The following PTPRT variants were observed in gnomAD, a reference collection of about 807,000 sequenced individuals.
The protein encoded by PTPRT is receptor-type tyrosine-protein phosphatase T.
In PTPRT, 56 loss-of-function variants were observed where a neutral mutation model predicts 176.8. The ratio of observed to expected loss-of-function variants is 0.32; its 90% CI spans 0.26 to 0.40. PTPRT has a LOEUF of 0.40. Among genes scored for constraint, PTPRT ranks in the 10% least tolerant of loss-of-function variants. PTPRT has a pLI of 1.00. For missense variants in PTPRT, 1,540 were observed against 1,908.2 expected (o/e 0.81, Z 3.60); for synonymous variants, 783 against 739.0 (o/e 1.06, Z -0.96).
chr20:42,241,915 T>C (rs1306119476), intron 14 of PTPRT, among the ~76,000 whole-genome samples: 1 of 152,214 alleles, frequency 6.6e-6, no homozygotes, highest in Non-Finnish European at 1.5e-5. Flanking sequence ...GATTAGATGA[T>C]GTTTCAGAGT....
intron 1 of PTPRT, among the ~76,000 whole-genome samples, chr20:43,111,049 C>A (rs2012837135): frequency 6.6e-6 from 1 of 152,018 alleles, no homozygotes; most frequent in African/African-American, 2.4e-5. Context: ...AAAGAAGAAA[C>A]CAGAGGCTAG....
intron 2 of PTPRT, among the ~76,000 whole-genome samples, chr20:42,869,771 C>T (rs183632694): frequency 9.2e-5 from 14 of 152,292 alleles, no homozygotes; most frequent in South Asian, 2.1e-4. Context: ...TGGAGGAGAA[C>T]GCTGTGGCTT....
At chr20:43,012,417 G>A (rs1362120320) in intron 1 of PTPRT, among the ~76,000 whole-genome samples, 1 of 152,138 alleles carries the variant, frequency 6.6e-6, no homozygotes, top group African/African-American at 2.4e-5. Flanking sequence ...GGTTACTAGA[G>A]GCTGAGGGGA....
chr20:42,575,155 G>T (rs2073234910), intron 7 of PTPRT, among the ~76,000 whole-genome samples: 1 of 152,146 alleles, frequency 6.6e-6, no homozygotes, highest in African/African-American at 2.4e-5. Flanking sequence ...CCAGATGGGG[G>T]TAACACACAC....
chr20:42,726,338 C>A (rs2076380964), intron 6 of PTPRT, among the ~76,000 whole-genome samples: 1 of 152,150 alleles, frequency 6.6e-6, no homozygotes, highest in African/African-American at 2.4e-5. Context: ...CTTGGCCTCC[C>A]AAAGTGCTGG....
At chr20:42,118,360 A>T in intron 21 of PTPRT, 43 bp downstream of exon 21, 1 of 1,514,402 alleles carries the variant, frequency 6.6e-7, no homozygotes, top group Non-Finnish European at 9.0e-7. Flanking sequence ...TCGAGAGTGC[A>T]TCTCCAGCAT....
chr20:43,102,076 C>T (rs1202582339), intron 1 of PTPRT, among the ~76,000 whole-genome samples: 2 of 152,134 alleles, frequency 1.3e-5, no homozygotes, highest in Admixed American at 6.5e-5. Flanking sequence ...TAGCTAATTC[C>T]CTTGAGCCTT....
intron 9 of PTPRT, among the ~76,000 whole-genome samples, chr20:42,434,720 G>C (rs772197892): frequency 6.6e-6 from 1 of 151,066 alleles, no homozygotes; most frequent in Non-Finnish European, 1.5e-5. Context: ...CCAGCACTTT[G>C]GGAGGCTGAG....
At chr20:42,290,807 A>T (rs950655340) in intron 12 of PTPRT, among the ~76,000 whole-genome samples, 8 of 152,154 alleles carry the variant, frequency 5.3e-5, no homozygotes, top group Non-Finnish European at 1.0e-4. Flanking sequence ...CTGAAATTTT[A>T]GGATGCCTCT....
In PTPRT at chr20:43,074,925, C is replaced by T. The variant is rs73907491; in HGVS notation, c.88+114721G>A. ...ATTCTGCCCACAGAGCCAAAGCTTT[C>T]CAGAAAGAATGTGCTGATGTGCTTA... is the stretch of plus-strand genomic sequence containing the variant. On this transcript the variant is annotated intron_variant, in intron 1 of 30. Coordinates refer to ENST00000373187, the MANE Select transcript of PTPRT (RefSeq NM_007050.6). Among the ~76,000 whole-genome samples the T allele has an allele frequency of 5.6e-3, 848 of 152,342 alleles. 13 individuals carry two copies. The highest frequency in any genetic ancestry group is 0.02 in the African/African-American group (829 of 41,592).
In PTPRT at chr20:42,403,724, G is replaced by T. The variant is rs143057477; in HGVS notation, c.1560+44496C>A. ...AAAGTGCAGGGACTTGGACCTGTGG[G>T]TCTCTGCTTTCTCACCTCCACTCTT... On this transcript the variant is annotated intron_variant, in intron 9 of 30. Coordinates refer to ENST00000373187, the MANE Select transcript of PTPRT (RefSeq NM_007050.6). 1.1e-4 allele frequency among the ~76,000 whole-genome samples: 16 copies of T among 152,240 alleles called. No homozygotes were observed. The East Asian group carries it at 2.7e-3, about 26-fold the overall frequency.
At chr20:43,131,548 C>T (rs2013648001) in intron 1 of PTPRT, among the ~76,000 whole-genome samples, 1 of 152,166 alleles carries the variant, frequency 6.6e-6, no homozygotes, top group African/African-American at 2.4e-5. Flanking sequence ...AAGTTACTTA[C>T]TTACTTTCTA....
intron 9 of PTPRT, among the ~76,000 whole-genome samples, chr20:42,440,445 G>A (rs1197106860): frequency 6.6e-6 from 1 of 151,310 alleles, no homozygotes; most frequent in African/African-American, 2.4e-5. Context: ...ACACTGAAAG[G>A]CAAAAATAAA....
intron 9 of PTPRT, among the ~76,000 whole-genome samples, chr20:42,413,672 A>T (rs2059037769): frequency 6.6e-6 from 1 of 152,178 alleles, no homozygotes. Flanking sequence ...CCAACAGAAA[A>T]TCACCTGATC....
chr20:42,965,868 AAAAC>A (rs1238609897), intron 1 of PTPRT, among the ~76,000 whole-genome samples: 2 of 152,240 alleles, frequency 1.3e-5, no homozygotes, highest in African/African-American at 2.4e-5. Context: ...TTGATGCATA[AAAAC>A]AAACATTCAA....
At chr20:42,475,940 T>C (rs563216441) in intron 7 of PTPRT, among the ~76,000 whole-genome samples, 1 of 152,320 alleles carries the variant, frequency 6.6e-6, no homozygotes, top group South Asian at 2.1e-4. Context: ...CATGTGTGAC[T>C]GTCACGGCGG....
intron 6 of PTPRT, among the ~76,000 whole-genome samples, chr20:42,748,661 C>T (rs1482849392): frequency 6.6e-6 from 1 of 152,160 alleles, no homozygotes; most frequent in Non-Finnish European, 1.5e-5. Flanking sequence ...ACTGCCTCTG[C>T]CAACTGTCAA....
intron 1 of PTPRT, among the ~76,000 whole-genome samples, chr20:42,961,705 C>T (rs1259194819): frequency 6.6e-6 from 1 of 152,014 alleles, no homozygotes; most frequent in Non-Finnish European, 1.5e-5. Flanking sequence ...ATGATGGGCC[C>T]CTAAAAATAA....
chr20:42,289,864 T>C lies in PTPRT; in HGVS notation c.2140-7339A>G, dbSNP rs143523565. 7.2e-3 allele frequency among the ~76,000 whole-genome samples: 1,102 copies of C among 152,244 alleles called. 20 individuals are homozygous for C. The highest frequency in any genetic ancestry group is 0.025 in the African/African-American group (1,049 of 41,574). On this transcript the variant is annotated intron_variant, in intron 12 of 30. Transcript: ENST00000373187. ...ATGATCTAGAGTGTATATACGATTA[T>C]GCTTAAGTCTTCCTGACTGACAAAC...
Sources: allele counts gnomAD v4.1 joint callset (sites outside exome capture counted in the v4.1 genomes callset), GRCh38; gene constraint gnomAD v4.1.1; transcripts MANE v1.5; gene names NCBI Gene and HGNC (gene_info 2026-07-23, HGNC 2026-07-21).